GALNT13: variants seen among roughly 807,000 people sequenced by gnomAD.
The protein encoded by GALNT13 is polypeptide N-acetylgalactosaminyltransferase 13.
GALNT13 carries 28 observed loss-of-function variants against 64.2 expected under a neutral mutation model. The ratio of observed to expected loss-of-function variants is 0.44; its 90% CI spans 0.32 to 0.60. The LOEUF (loss-of-function observed/expected upper bound fraction) is 0.60, where lower values mean the gene tolerates loss of function less well. GALNT13 is among the 20% of genes least tolerant of loss of function. The pLI is 0.05. For missense variants in GALNT13, 577 were observed against 669.8 expected (o/e 0.86, Z 1.53); for synonymous variants, 214 against 224.6 (o/e 0.95, Z 0.42).
chr2:153,882,248 G>GC (rs1332324394), intron 1 of GALNT13, among the ~76,000 whole-genome samples: 2 of 151,936 alleles, frequency 1.3e-5, no homozygotes, highest in Non-Finnish European at 2.9e-5. Context: ...CCCATATTAA[G>GC]CCCCCAAAGG....
intron 9 of GALNT13, among the ~76,000 whole-genome samples, chr2:154,376,635 A>T (rs571293451): frequency 3.9e-4 from 59 of 152,230 alleles, no homozygotes; most frequent in Admixed American, 3.1e-3. Flanking sequence ...TTTTATACCA[A>T]AGAAAACAAG....
chr2:153,858,090 T>C, the GALNT13 span, among the ~76,000 whole-genome samples: 1 of 152,118 alleles, frequency 6.6e-6, no homozygotes, highest in Non-Finnish European at 1.5e-5. Context: ...GAGAGATAGG[T>C]GTATCAAGGT....
At chr2:153,815,903 C>G in the GALNT13 span, among the ~76,000 whole-genome samples, 5 of 152,118 alleles carry the variant, frequency 3.3e-5, no homozygotes, top group Non-Finnish European at 7.4e-5. Flanking sequence ...AAACCTACAT[C>G]CTAGGATATG....
At chr2:153,496,993 C>CAAAAAAA in the GALNT13 span, among the ~76,000 whole-genome samples, 111 of 89,850 alleles carry the variant, frequency 1.2e-3, no homozygotes, top group Middle Eastern at 5.7e-3. Context: ...GATTTTGTCT[C>CAAAAAAA]AAAAAAAAAA....
chr2:153,399,747 A>G, the GALNT13 span, among the ~76,000 whole-genome samples: 1 of 152,170 alleles, frequency 6.6e-6, no homozygotes, highest in South Asian at 2.1e-4. Context: ...GTGTATAAGA[A>G]TGCTTGTGAT....
intron 10 of GALNT13, among the ~76,000 whole-genome samples, chr2:154,406,989 T>A (rs1699575904): frequency 6.6e-6 from 1 of 152,174 alleles, no homozygotes; most frequent in Admixed American, 6.6e-5. Context: ...GAGCCATTCT[T>A]AAAGGTATTT....
intron 8 of GALNT13, among the ~76,000 whole-genome samples, chr2:154,277,663 A>C (rs978127800): frequency 3.3e-5 from 5 of 152,184 alleles, no homozygotes; most frequent in African/African-American, 7.2e-5. Flanking sequence ...ACTGTAAAAA[A>C]TTGAGTGGTA....
At chr2:153,635,402 A>ATATATATATATACACATATATATGTG in the GALNT13 span, among the ~76,000 whole-genome samples, 1 of 110,570 alleles carries the variant, frequency 9.0e-6, no homozygotes, top group Non-Finnish European at 1.9e-5. Context: ...AAATATGTAT[A>ATATATATATATACACATATATATGTG]TATATATATA....
chr2:153,955,785 G>C (rs1056401669), intron 3 of GALNT13, among the ~76,000 whole-genome samples: 1 of 152,154 alleles, frequency 6.6e-6, no homozygotes, highest in African/African-American at 2.4e-5. Context: ...TTACAGCTCT[G>C]TGACTGGCAA....
the GALNT13 span, among the ~76,000 whole-genome samples, chr2:153,619,036 A>C: frequency 6.6e-6 from 1 of 152,092 alleles, no homozygotes; most frequent in Non-Finnish European, 1.5e-5. Context: ...TTTTATTGGT[A>C]AATATGGAGT....
the GALNT13 span, among the ~76,000 whole-genome samples, chr2:153,377,649 A>G: frequency 6.6e-6 from 1 of 152,186 alleles, no homozygotes; most frequent in Non-Finnish European, 1.5e-5. Context: ...GAAGATAACC[A>G]GATGCCAGCA....
chr2:154,312,449 T>C (rs1694099717), intron 9 of GALNT13, among the ~76,000 whole-genome samples: 1 of 152,232 alleles, frequency 6.6e-6, no homozygotes. Context: ...CATTTTGCCA[T>C]TGAATATTTT....
chr2:154,225,087 A>G lies in GALNT13; in HGVS notation c.312-16943A>G, dbSNP rs2105830684. Among the ~76,000 whole-genome samples the G allele has an allele frequency of 2.0e-5, 3 of 146,736 alleles. 1 individual carries two copies. The highest frequency in any genetic ancestry group is 4.1e-4 in the East Asian group (2 of 4,912). ...GAATGAAAGACTAGAAAGGACATTC[A>G]CAACACACATGGAGAGATAGATAGA... On this transcript the variant is annotated intron_variant, in intron 4 of 12. Coordinates refer to ENST00000392825, the MANE Select transcript of GALNT13 (RefSeq NM_052917.4).
At chr2:154,325,323 T>C (rs925964311) in intron 9 of GALNT13, among the ~76,000 whole-genome samples, 1 of 152,080 alleles carries the variant, frequency 6.6e-6, no homozygotes, top group South Asian at 2.1e-4. Flanking sequence ...GAAATGATTA[T>C]TCAAAGCCAT....
chr2:154,078,677 A>C (rs1701113627), intron 3 of GALNT13, among the ~76,000 whole-genome samples: 1 of 151,638 alleles, frequency 6.6e-6, no homozygotes, highest in Admixed American at 6.6e-5. Flanking sequence ...TGGGGGTCAT[A>C]ATTTCCTTTT....
chr2:153,892,660 T>C (rs1263562888), intron 1 of GALNT13, among the ~76,000 whole-genome samples: 1 of 152,084 alleles, frequency 6.6e-6, no homozygotes, highest in Admixed American at 6.6e-5. Context: ...TCTTTACTTA[T>C]AATTTTAAAA....
At chr2:153,094,292 G>T in the GALNT13 span, among the ~76,000 whole-genome samples, 4 of 151,630 alleles carry the variant, frequency 2.6e-5, no homozygotes, top group Non-Finnish European at 5.9e-5. Flanking sequence ...TGCGTTTTTT[G>T]TATCTGATAT....
chr2:154,145,100 C>CTCTA (rs1683506362), intron 4 of GALNT13, among the ~76,000 whole-genome samples: 1 of 119,532 alleles, frequency 8.4e-6, no homozygotes, highest in Non-Finnish European at 1.7e-5. Flanking sequence ...ATCTATCTAT[C>CTCTA]TATATATATA....
At chr2:153,832,261 A>G in the GALNT13 span, among the ~76,000 whole-genome samples, 6 of 152,204 alleles carry the variant, frequency 3.9e-5, no homozygotes, top group African/African-American at 1.4e-4. Flanking sequence ...ACATTGCTAA[A>G]AATAAAAATT....
Sources: gnomAD v4.1 joint callset for allele counts (sites outside exome capture counted in the v4.1 genomes callset) on GRCh38, gnomAD v4.1.1 for gene constraint, MANE v1.5 for transcripts, NCBI Gene and HGNC (gene_info 2026-07-23, HGNC 2026-07-21) for gene names.